PCDHA5: variants seen among roughly 807,000 people sequenced by gnomAD.
PCDHA5 encodes protocadherin alpha 5.
A neutral mutation model predicts 61.6 loss-of-function variants in PCDHA5; 43 were observed. The observed-to-expected ratio is 0.70, with a 90% CI of 0.55 to 0.90. The LOEUF (loss-of-function observed/expected upper bound fraction) is 0.90. Ranked by LOEUF, PCDHA5 falls within the 40% of genes least tolerant of loss-of-function variation. The probability of loss-of-function intolerance (pLI) is 0.00; values close to 1 mark genes in which losing one functional copy is unlikely to be tolerated. For missense variants in PCDHA5, 1,298 were observed against 1,222.7 expected, an observed-to-expected ratio of 1.06 and a Z score of -0.92; for synonymous variants, 627 against 543.9, an observed-to-expected ratio of 1.15 and a Z score of -2.13.
intron 1 of PCDHA5, among the ~76,000 whole-genome samples, chr5:140,924,896 AAAAAAAAAATAAAATAAAAT>A (rs1488372568): frequency 0.024 from 1,693 of 69,132 alleles, 31 homozygotes; most frequent in African/African-American, 0.08. Context: ...ACCTGTCTCA[AAAAAAAAAATAAAATAAAAT>A]AAAATAAAAT....
rs2150320431 is a variant in PCDHA5 at position 140,841,664 on chromosome 5, C to A, written c.2352+17537C>A. ...GGAGGTGATCGTGGACAGGCCGCTGCAGGTTTTCCATGTGGACGTGGAGGT... is the reference window on the plus strand; with the variant it reads ...GGAGGTGATCGTGGACAGGCCGCTGAAGGTTTTCCATGTGGACGTGGAGGT... On this transcript the variant is annotated intron_variant, in intron 1 of 3. Coordinates refer to ENST00000529859, the MANE Select transcript of PCDHA5 (RefSeq NM_018908.3). 3 of 1,613,958 alleles carry A rather than the reference C, an allele frequency of 1.9e-6. No homozygotes were observed. In the African/African-American group the frequency reaches 4.0e-5, roughly 22 times the overall value.
intron 1 of PCDHA5, among the ~76,000 whole-genome samples, chr5:140,888,663 T>C (rs1278510364): frequency 6.6e-6 from 1 of 152,194 alleles, no homozygotes; most frequent in Non-Finnish European, 1.5e-5. Context: ...CACCACCTAA[T>C]GCCCTGTGCA....
At chr5:140,952,389 ACT>A (rs2094739055) in intron 1 of PCDHA5, among the ~76,000 whole-genome samples, 2 of 151,722 alleles carry the variant, frequency 1.3e-5, no homozygotes, top group African/African-American at 4.8e-5. Flanking sequence ...GGTACCCTAA[ACT>A]CATCATTCTC....
chr5:140,987,213 C>CA (rs58319157), intron 3 of PCDHA5, among the ~76,000 whole-genome samples: 3,048 of 118,770 alleles, frequency 0.026, 41 homozygotes, highest in Middle Eastern at 0.12. Flanking sequence ...GACTCCATCT[C>CA]AAAAAAAAAA....
chr5:140,856,399 T>G (rs782023286), intron 1 of PCDHA5: 1 of 1,598,492 alleles, frequency 6.3e-7, no homozygotes, highest in Non-Finnish European at 8.6e-7. Flanking sequence ...AGGTTTTCCA[T>G]GTGGACGTGG....
chr5:140,982,612 C>T, intron 3 of PCDHA5, 49 bp downstream of exon 3: 2 of 1,599,360 alleles, frequency 1.3e-6, no homozygotes, highest in Non-Finnish European at 1.7e-6. Context: ...GGAAAGTGAT[C>T]AGATGACCTA....
chr5:140,980,487 G>C (rs2096891705), intron 2 of PCDHA5, among the ~76,000 whole-genome samples: 1 of 152,124 alleles, frequency 6.6e-6, no homozygotes, highest in African/African-American at 2.4e-5. Flanking sequence ...AAAATTAGCT[G>C]GGCGTGATGG....
chr5:140,864,875 T>G (rs1554159183), intron 1 of PCDHA5: 1 of 152,186 alleles, frequency 6.6e-6, no homozygotes, highest in Non-Finnish European at 1.5e-5. Context: ...TACCATTGTC[T>G]GTGTTCATTA....
At chr5:140,967,249 G>A (rs782040791) in intron 1 of PCDHA5, 1 of 1,613,592 alleles carries the variant, frequency 6.2e-7, no homozygotes, top group Non-Finnish European at 8.5e-7. Context: ...GCGAATCGGT[G>A]GCGCCTGGAG....
rs2150161995 is a variant in PCDHA5 at position 140,829,027 on chromosome 5, A to G, written c.2352+4900A>G. ...TTCGGGGTAATTTGGATTTTGAACA[A>G]GAAAACTTATACAAAATCCTCATTG... On this transcript the variant is annotated intron_variant, in intron 1 of 3. Transcript: ENST00000529859. The G allele has an allele frequency of 2.5e-6, 4 of 1,613,610 alleles. No homozygotes were observed. The South Asian group carries it at 4.4e-5, about 18-fold the overall frequency.
In PCDHA5 at chr5:140,929,054, C is replaced by T. The variant is rs782514800; in HGVS notation, c.2353-49895C>T. 27 of 1,614,056 alleles carry T rather than the reference C, an allele frequency of 1.7e-5. No individual in the cohort carries two copies. The highest frequency in any genetic ancestry group is 2.1e-5 in the Non-Finnish European group (25 of 1,180,042). ...TGTTGCGCTCAGAGCTGCTGTCGCT[C>T]TACAGAGGATCTGAGGTATGGAAGT... is the stretch of plus-strand genomic sequence containing the variant. On this transcript the variant is annotated intron_variant, in intron 1 of 3. Coordinates refer to ENST00000529859, the MANE Select transcript of PCDHA5 (RefSeq NM_018908.3).
At position 140,823,122 on chromosome 5, in the gene PCDHA5, C is replaced by A; in HGVS notation, c.1347C>A (p.Asp449Glu). The A allele has an allele frequency of 6.2e-7, 1 of 1,614,050 alleles. No individual in the cohort carries two copies. The highest frequency in any genetic ancestry group is 8.5e-7 in the Non-Finnish European group (1 of 1,179,982). The change falls in exon 1 of 4, where the codon GAC (aspartate) becomes GAA (glutamate). Residue 449 changes from aspartate to glutamate, a missense_variant. Physicochemically the swap from Asp to Glu is conservative, Grantham distance 45. Transcript: ENST00000529859. ...CTGTGGAAGTGGCCGACGTGAACGA[C>A]AACGCTCCGGCGTTCGCGCAGCCCC... Reference protein sequence around the residue: ...SVSVEVADVNDNAPAFAQPQY... With the variant: ...SVSVEVADVNENAPAFAQPQY...
chr5:140,982,963 A>G (rs2097017646), intron 3 of PCDHA5, among the ~76,000 whole-genome samples: 1 of 151,972 alleles, frequency 6.6e-6, no homozygotes, highest in South Asian at 2.1e-4. Context: ...AAACCCACCC[A>G]AAGTAGTAAG....
At position 140,840,142 on chromosome 5, in the gene PCDHA5, A is replaced by G. The variant is rs2150303821; in HGVS notation, c.2352+16015A>G. ...TGTACTAATAAGGACAGAAATTATC[A>G]CACGTGAAAGGAGAGATGGGATGTA... On this transcript the variant is annotated intron_variant, in intron 1 of 3. Coordinates refer to ENST00000529859, the MANE Select transcript of PCDHA5 (RefSeq NM_018908.3). Among the ~76,000 whole-genome samples, 125 of 152,144 alleles carry G rather than the reference A, an allele frequency of 8.2e-4. 4 individuals carry two copies. The highest frequency in any genetic ancestry group is 2.9e-3 in the African/African-American group (122 of 41,494).
intron 1 of PCDHA5, chr5:140,830,439 T>G: frequency 6.2e-7 from 1 of 1,611,160 alleles, no homozygotes; most frequent in Non-Finnish European, 8.5e-7. Context: ...CCTATTATGA[T>G]GGGTAAGGCG....
At position 140,842,101 on chromosome 5, in the gene PCDHA5, A is replaced by G; in HGVS notation, c.2352+17974A>G. 6.2e-7 allele frequency: 1 copy of G among 1,613,930 alleles called. No individual in the cohort carries two copies. The highest frequency in any genetic ancestry group is 8.5e-7 in the Non-Finnish European group (1 of 1,179,886). ...TCGAAAACGCAGACAACGGAACAAC[A>G]GTTATCAAACTGAATGCTTCTGATC... is the stretch of plus-strand genomic sequence containing the variant. On this transcript the variant is annotated intron_variant, in intron 1 of 3. Coordinates refer to ENST00000529859, the MANE Select transcript of PCDHA5 (RefSeq NM_018908.3).
At chr5:140,979,086 G>A in intron 2 of PCDHA5, 79 bp downstream of exon 2, 3 of 1,561,050 alleles carry the variant, frequency 1.9e-6, no homozygotes, top group South Asian at 2.4e-5. Flanking sequence ...CCATAGGCCA[G>A]AAGCAGCTGT....
intron 1 of PCDHA5, chr5:140,830,562 T>G (rs1411985813): frequency 4.0e-6 from 4 of 990,432 alleles, no homozygotes; most frequent in Admixed American, 6.9e-5. Context: ...GTCTTCTATA[T>G]TTCTGTTTTT....
At chr5:140,884,317 G>C (rs1401667312) in intron 1 of PCDHA5, 15 of 1,613,780 alleles carry the variant, frequency 9.3e-6, no homozygotes, top group Non-Finnish European at 1.3e-5. Context: ...CGAGGGCGTC[G>C]GCAGGCGCTG....
Sources: gnomAD v4.1 joint callset for allele counts (sites outside exome capture counted in the v4.1 genomes callset) on GRCh38, gnomAD v4.1.1 for gene constraint, MANE v1.5 for transcripts, NCBI Gene and HGNC (gene_info 2026-07-23, HGNC 2026-07-21) for gene names.